Variants in KRT39 observed in about 807,000 individuals in gnomAD.
The protein encoded by KRT39 is keratin, type I cytoskeletal 39.
KRT39 carries 47 observed loss-of-function variants against 54.8 expected under a neutral mutation model. That is an observed-to-expected ratio of 0.86 (90% CI 0.68 to 1.09). KRT39 has a LOEUF of 1.09. Among genes scored for constraint, KRT39 ranks in the 50% least tolerant of loss-of-function variants. The probability of loss-of-function intolerance (pLI) is 0.00; values close to 1 mark genes in which losing one functional copy is unlikely to be tolerated. For missense variants in KRT39, 580 were observed against 598.5 expected, an observed-to-expected ratio of 0.97 and a Z score of 0.32; for synonymous variants, 207 against 227.9, an observed-to-expected ratio of 0.91 and a Z score of 0.83.
At position 40,966,601 on chromosome 17, in the gene KRT39, T is replaced by C; in HGVS notation, c.256A>G (p.Ser86Gly). The C allele has an allele frequency of 1.9e-6, 3 of 1,614,192 alleles. No individual in the cohort carries two copies. The highest frequency in any genetic ancestry group is 2.5e-6 in the Non-Finnish European group (3 of 1,180,034). Reference sequence around the variant, plus strand: ...CTGTTGATGCCTTCACCATACCAGCTGCAGTCATCCAGAGAAAAACGGGCA... The same window carrying C: ...CTGTTGATGCCTTCACCATACCAGCCGCAGTCATCCAGAGAAAAACGGGCA... ...FNARFSLDDC[S>G]WYGEGINSNE... Residue 86 changes from serine to glycine, a missense_variant, in exon 1 of 7, where the codon AGC becomes GGC. Ser to Gly is a moderately conservative substitution (Grantham distance 56). Transcript: ENST00000355612.
At chr17:40,960,141 T>C in intron 6 of KRT39, 140 bp downstream of exon 6, 1 of 680,900 alleles carries the variant, frequency 1.5e-6, no homozygotes, top group Non-Finnish European at 2.6e-6. Flanking sequence ...CTTGAGAGGG[T>C]GTGTGGATGC....
chr17:40,960,402 C>A lies in KRT39; in HGVS notation c.1096G>T (p.Ala366Ser), dbSNP rs1190700215. The change falls in exon 6 of 7, where the codon GCA becomes TCA. Residue 366 changes from alanine to serine, a missense_variant. Ala to Ser is a moderately conservative substitution (Grantham distance 99, BLOSUM62 1). Coordinates refer to ENST00000355612, the MANE Select transcript of KRT39 (RefSeq NM_213656.4). ...SLIDNLEAQLAEIRCALERQN... is the reference protein window; with the variant it reads ...SLIDNLEAQLSEIRCALERQN... ...CTTTCCAGGGCACACCGGATCTCTG[C>A]CAGCTGAGCTTCCAGGTTATCAATC... The A allele has an allele frequency of 6.2e-7, 1 of 1,614,000 alleles. No individual in the cohort carries two copies. The highest frequency in any genetic ancestry group is 8.5e-7 in the Non-Finnish European group (1 of 1,180,026).
At chr17:40,960,615 A>C in intron 5 of KRT39, 114 bp from the exon 6 acceptor site, 1 of 718,814 alleles carries the variant, frequency 1.4e-6, no homozygotes. Context: ...TAGATCTCCA[A>C]GCACTTTATT....
At chr17:40,963,874 C>A in intron 2 of KRT39, 91 bp from the exon 3 acceptor site, 3 of 942,644 alleles carry the variant, frequency 3.2e-6, no homozygotes, top group Non-Finnish European at 4.8e-6. Flanking sequence ...TTGCTCTGGG[C>A]ACCTCACTTA....
chr17:40,966,303 A>G lies in KRT39; in HGVS notation c.468+86T>C, dbSNP rs1012730004. ...CAAAAAAATTTTCAGCATCAACTGAACAAAAAATATTAAAGTTTAGCAAAT... is the reference window on the plus strand; with the variant it reads ...CAAAAAAATTTTCAGCATCAACTGAGCAAAAAATATTAAAGTTTAGCAAAT... On this transcript the variant is annotated intron_variant, in intron 1 of 6. Transcript: ENST00000355612. The G allele has an allele frequency of 4.3e-6, 5 of 1,163,032 alleles. No homozygotes were observed. The African/African-American group carries it at 7.7e-5, about 18-fold the overall frequency. 72.0% of individuals were successfully genotyped at this position (1,163,032 alleles called of 1,614,324 possible). A position where few individuals can be genotyped will look rare whatever the true frequency, so the allele number is the denominator to read the frequency against.
At position 40,963,905 on chromosome 17, in the gene KRT39, T is replaced by A. The variant is rs573163113; in HGVS notation, c.552-122A>T. ...ACTTAGTGTATTTCTATTAGAAGTTTTATTCTCTTTGGAGGTGAAACCATT... is the reference window on the plus strand; with the variant it reads ...ACTTAGTGTATTTCTATTAGAAGTTATATTCTCTTTGGAGGTGAAACCATT... On this transcript the variant is annotated intron_variant, in intron 2 of 6. Coordinates refer to ENST00000355612, the MANE Select transcript of KRT39 (RefSeq NM_213656.4). 44 of 675,896 alleles carry A rather than the reference T, an allele frequency of 6.5e-5. No individual in the cohort carries two copies. The African/African-American group carries it at 6.8e-4, about 10-fold the overall frequency. The allele number at this position is 675,896 out of a possible 1,614,324, so 41.9% of individuals were successfully genotyped here. A position where few individuals can be genotyped will look rare whatever the true frequency, so the allele number is the denominator to read the frequency against.
chr17:40,963,876 C>T, intron 2 of KRT39, 93 bp from the exon 3 acceptor site: 1 of 903,070 alleles, frequency 1.1e-6, no homozygotes, highest in African/African-American at 1.6e-5. Flanking sequence ...GCTCTGGGCA[C>T]CTCACTTAGT....
At position 40,958,721 on chromosome 17, in the gene KRT39, T is replaced by C. The variant is rs769928525; in HGVS notation, c.1356A>G (p.Gly452=). The part of the protein sequence containing the change: ...CSLKEHCSAC[G]PLSRILVKIC... Reference sequence around the variant, plus strand: ...TTTTAACCAGTATCCGGGACAGGGGTCCGCAGGCACTGCAGTGCTCCTTTA... The same window carrying C: ...TTTTAACCAGTATCCGGGACAGGGGCCCGCAGGCACTGCAGTGCTCCTTTA... Residue 452 remains glycine (G), a synonymous_variant, in exon 7 of 7, where the codon GGA becomes GGG. Coordinates refer to ENST00000355612, the MANE Select transcript of KRT39 (RefSeq NM_213656.4). 6 of 1,614,050 alleles carry C rather than the reference T, an allele frequency of 3.7e-6. No homozygotes were observed. Among genetic ancestry groups the C allele is most frequent in the South Asian group, 1.1e-5 (1 of 91,064 alleles).
Position 40,958,620 on chromosome 17 carries a change from A to G in KRT39, c.1457T>C (p.Ile486Thr). Residue 486 changes from isoleucine (I) to threonine (T), a missense_variant, in exon 7 of 7, where the codon ATC (isoleucine) becomes ACC (threonine). Ile to Thr is a moderately conservative substitution (Grantham distance 89). Coordinates refer to ENST00000355612, the MANE Select transcript of KRT39 (RefSeq NM_213656.4). ...GGGATGTTAGACTTTGGCAGGTCTG[A>G]TGATGAAACAAGGCTGCACATGCTC... ...SYEHVQPCFI[I>T]RPAKV The G allele has an allele frequency of 1.2e-6, 2 of 1,610,784 alleles. No individual in the cohort carries two copies. Among genetic ancestry groups the G allele is most frequent in the Non-Finnish European group, 1.7e-6 (2 of 1,178,380 alleles).
At chr17:40,961,773 TA>T (rs1567832219) in intron 5 of KRT39, among the ~76,000 whole-genome samples, 2 of 152,214 alleles carry the variant, frequency 1.3e-5, no homozygotes. Context: ...TGATAGCTTG[TA>T]AAAATGCTTT....
intron 3 of KRT39, among the ~76,000 whole-genome samples, chr17:40,962,898 C>T (rs879024707): frequency 6.6e-5 from 10 of 152,110 alleles, no homozygotes; most frequent in Admixed American, 2.0e-4. Flanking sequence ...GGTGCAAATA[C>T]GGGATTGTGC....
intron 5 of KRT39, among the ~76,000 whole-genome samples, chr17:40,961,122 TC>T (rs1431397236): frequency 1.6e-5 from 2 of 125,822 alleles, no homozygotes; most frequent in African/African-American, 7.1e-5. Flanking sequence ...AGAGTGAGAC[TC>T]CATCTCAAAA....
Position 40,966,884 on chromosome 17 carries a change from A to G in KRT39, c.-28T>C. 3 of 1,492,770 alleles carry G rather than the reference A, an allele frequency of 2.0e-6. No individual in the cohort carries two copies. The East Asian group carries it at 6.8e-5, about 34-fold the overall frequency. The allele number at this position is 1,492,770 out of a possible 1,614,324, so 92.5% of individuals were successfully genotyped here. On this transcript the variant is annotated 5_prime_UTR_variant, in exon 1 of 7. Transcript: ENST00000355612. ...TATGTGTCTGGCTTTAGTTTGTTCC[A>G]GGTCTGTGGTCACCAGGATGAAAAG...
chr17:40,958,736 G>C lies in KRT39; in HGVS notation c.1341C>G (p.His447Gln), dbSNP rs1325256829. 3.1e-6 allele frequency: 5 copies of C among 1,614,052 alleles called. No individual in the cohort carries two copies. The highest frequency in any genetic ancestry group is 1.3e-5 in the African/African-American group (1 of 74,928). ...GGGACAGGGGTCCGCAGGCACTGCAGTGCTCCTTTAAGCTGCAGGGGGATG... is the reference window on the plus strand; with the variant it reads ...GGGACAGGGGTCCGCAGGCACTGCACTGCTCCTTTAAGCTGCAGGGGGATG... ...TSSSPCSLKE[H>Q]CSACGPLSRI... Residue 447 changes from histidine to glutamine, a missense_variant, in exon 7 of 7, where the codon CAC becomes CAG. Transcript: ENST00000355612.
rs1325637489 is a variant in KRT39 at position 40,962,254 on chromosome 17, A to G, written c.904T>C (p.Ser302Pro). Reference protein sequence around the residue: ...EELNQQVVTSSQQQQCCQKEI... With the variant: ...EELNQQVVTSPQQQQCCQKEI... ...TTTTGGCAGCATTGCTGCTGTTGAG[A>G]GCTGGTCACCACTTGTTGATTCAGC... Residue 302 changes from serine (S) to proline (P), a missense_variant, in exon 5 of 7, where the codon TCT becomes CCT. Transcript: ENST00000355612. 3 of 1,614,194 alleles carry G rather than the reference A, an allele frequency of 1.9e-6. No individual in the cohort carries two copies. The highest frequency in any genetic ancestry group is 2.2e-5 in the East Asian group (1 of 44,876).
Position 40,964,607 on chromosome 17 carries a change from T to C in KRT39, c.469-79A>G, listed in dbSNP as rs543861729. 2.0e-4 allele frequency: 190 copies of C among 963,318 alleles called. No homozygotes were observed. The East Asian group carries it at 4.3e-3, about 22-fold the overall frequency. 59.7% of individuals were successfully genotyped at this position (963,318 alleles called of 1,614,324 possible). ...TTAAGAACCAAGGGGTTTGTGTGTGTGTCAAGTAACAGGGGAAGGCTAAGT... is the reference window on the plus strand; with the variant it reads ...TTAAGAACCAAGGGGTTTGTGTGTGCGTCAAGTAACAGGGGAAGGCTAAGT... On this transcript the variant is annotated intron_variant, in intron 1 of 6. Transcript: ENST00000355612.
chr17:40,958,706 T>C lies in KRT39; in HGVS notation c.1371A>G (p.Ile457Met). The stretch of plus-strand genomic sequence containing the variant: ...TGGTGATGGTGCAAATTTTAACCAG[T>C]ATCCGGGACAGGGGTCCGCAGGCAC... ...HCSACGPLSRILVKICTITKE... is the reference protein window; with the variant it reads ...HCSACGPLSRMLVKICTITKE... Residue 457 changes from isoleucine (I) to methionine (M), a missense_variant, in exon 7 of 7, where the codon ATA (isoleucine) becomes ATG (methionine). Physicochemically the swap from Ile to Met is conservative, Grantham distance 10. Coordinates refer to ENST00000355612, the MANE Select transcript of KRT39 (RefSeq NM_213656.4). 6.2e-7 allele frequency: 1 copy of C among 1,614,104 alleles called. No individual in the cohort carries two copies. The highest frequency in any genetic ancestry group is 8.5e-7 in the Non-Finnish European group (1 of 1,179,990).
chr17:40,960,165 C>G, intron 6 of KRT39, 116 bp downstream of exon 6: 1 of 834,404 alleles, frequency 1.2e-6, no homozygotes, highest in South Asian at 1.6e-5. Context: ...TGTCCAAGCT[C>G]CCCATCACTG....
intron 5 of KRT39, among the ~76,000 whole-genome samples, chr17:40,961,865 T>TG (rs1197161296): frequency 2.0e-5 from 3 of 152,128 alleles, no homozygotes; most frequent in African/African-American, 4.8e-5. Context: ...CTAAAAAAAG[T>TG]GGGGGGATCC....
Sources: allele counts gnomAD v4.1 joint callset (sites outside exome capture counted in the v4.1 genomes callset), GRCh38; gene constraint gnomAD v4.1.1; transcripts MANE v1.5; gene names NCBI Gene and HGNC (gene_info 2026-07-23, HGNC 2026-07-21).